Variants in STOX2 observed in about 807,000 individuals in gnomAD.
STOX2 encodes the protein storkhead-box protein 2.
In STOX2, 28 loss-of-function variants were observed where a neutral mutation model predicts 60.9. The observed-to-expected ratio is 0.46, with a 90% CI of 0.34 to 0.63. The LOEUF is 0.63. Ranked by LOEUF, STOX2 falls within the 30% of genes least tolerant of loss-of-function variation. STOX2 has a pLI of 0.01. For synonymous variants in STOX2, 472 were observed against 463.9 expected (o/e 1.02, Z -0.22); for missense variants, 1,024 against 1,187.7 (o/e 0.86, Z 2.03).
chr4:183,895,614 C>T (rs1021802462), intron 1 of STOX2, among the ~76,000 whole-genome samples: 1 of 152,226 alleles, frequency 6.6e-6, no homozygotes, highest in Non-Finnish European at 1.5e-5. Context: ...ACTGTTGTCT[C>T]CTGCCCTTAG....
At chr4:183,966,001 G>T (rs1173602328) in intron 1 of STOX2, among the ~76,000 whole-genome samples, 1 of 151,170 alleles carries the variant, frequency 6.6e-6, no homozygotes, top group African/African-American at 2.4e-5. Flanking sequence ...TTTTGGACAT[G>T]TTGAGTTTGA....
At chr4:183,858,793 T>G (rs1740362490) in intron 1 of STOX2, among the ~76,000 whole-genome samples, 1 of 152,236 alleles carries the variant, frequency 6.6e-6, no homozygotes, top group Admixed American at 6.5e-5. Context: ...TGTTTTGTAG[T>G]CGACTTCTTT....
At chr4:183,864,880 C>T (rs561724209) in intron 1 of STOX2, among the ~76,000 whole-genome samples, 10 of 152,138 alleles carry the variant, frequency 6.6e-5, no homozygotes, top group Non-Finnish European at 1.0e-4. Flanking sequence ...TTATAATCTT[C>T]CCAAAAAACT....
intron 1 of STOX2, among the ~76,000 whole-genome samples, chr4:183,958,285 A>T (rs977351221): frequency 6.6e-6 from 1 of 152,154 alleles, no homozygotes; most frequent in Non-Finnish European, 1.5e-5. Context: ...GCTAGGAGAA[A>T]TATACATATA....
intron 1 of STOX2, among the ~76,000 whole-genome samples, chr4:183,927,699 G>A (rs996704368): frequency 3.9e-5 from 6 of 152,154 alleles, no homozygotes; most frequent in Non-Finnish European, 8.8e-5. Context: ...GCCAACTGAT[G>A]TTTTTGATAG....
In STOX2 at chr4:183,857,440, G is replaced by T. The variant is rs184268466; in HGVS notation, c.364+59385G>T. On this transcript the variant is annotated intron_variant, in intron 1 of 2. Coordinates refer to the STOX2 transcript ENST00000513034. ...TCCCACAGGACTGGTCATCCTGCAG[G>T]ACTGGTTATCCCATTGAAGGCAGTG... Among the ~76,000 whole-genome samples, 55 of 151,732 alleles carry T rather than the reference G, an allele frequency of 3.6e-4. 1 individual carries two copies. The South Asian group carries it at 0.011, about 30-fold the overall frequency.
intron 1 of STOX2, among the ~76,000 whole-genome samples, chr4:183,976,085 G>A (rs111869904): frequency 0.026 from 3,973 of 152,314 alleles, 200 homozygotes; most frequent in African/African-American, 0.091. Flanking sequence ...GGCCAAGGCA[G>A]GCAGATCATG....
chr4:183,885,544 G>A (rs763277938), intron 1 of STOX2, among the ~76,000 whole-genome samples: 2 of 152,122 alleles, frequency 1.3e-5, no homozygotes, highest in African/African-American at 2.4e-5. Flanking sequence ...GCAGGGTGCC[G>A]GCTGCCTCGC....
intron 1 of STOX2, among the ~76,000 whole-genome samples, chr4:183,861,405 A>C (rs17075098): frequency 0.011 from 1,658 of 152,304 alleles, 31 homozygotes; most frequent in African/African-American, 0.038. Flanking sequence ...TGTAATGTTC[A>C]TAGATACCCA....
intron 1 of STOX2, among the ~76,000 whole-genome samples, chr4:183,802,051 C>A (rs926662971): frequency 6.6e-6 from 1 of 152,174 alleles, no homozygotes; most frequent in East Asian, 1.9e-4. Context: ...GGCTGGAGGG[C>A]CTTCTAGCCT....
At chr4:184,014,256 T>TG (rs1204401890) in intron 3 of STOX2, 1 of 151,988 alleles carries the variant, frequency 6.6e-6, no homozygotes, top group Non-Finnish European at 1.5e-5. Context: ...TTAAAGGGTA[T>TG]GTAGAAGGAA....
In STOX2 at chr4:183,941,023, T is replaced by C. The variant is rs552950260; in HGVS notation, c.166+34067T>C. Among the ~76,000 whole-genome samples, 7 of 152,298 alleles carry C rather than the reference T, an allele frequency of 4.6e-5. No homozygotes were observed. The South Asian group carries it at 1.4e-3, about 32-fold the overall frequency. ...TCTGTGGTGTGGCCAACCGACCACT[T>C]TTTATGAAACAAGCTCAGATCTAGC... is the stretch of plus-strand genomic sequence containing the variant. On this transcript the variant is annotated intron_variant, in intron 1 of 3. Coordinates refer to ENST00000308497, the MANE Select transcript of STOX2 (RefSeq NM_020225.3).
chr4:183,818,147 G>A (rs1057133962), intron 1 of STOX2, among the ~76,000 whole-genome samples: 12 of 151,410 alleles, frequency 7.9e-5, no homozygotes, highest in Admixed American at 5.3e-4. Context: ...CTCGCAGAGG[G>A]GGACTTGGCA....
intron 1 of STOX2, among the ~76,000 whole-genome samples, chr4:183,925,287 C>G (rs941250076): frequency 6.6e-6 from 1 of 152,128 alleles, no homozygotes; most frequent in Admixed American, 6.5e-5. Context: ...GAAAAGGAAT[C>G]CAAATTGAAA....
chr4:183,866,175 T>G (rs11734048), intron 1 of STOX2, among the ~76,000 whole-genome samples: 84,797 of 151,852 alleles, frequency 0.56, 23,778 homozygotes, highest in Admixed American at 0.59. Flanking sequence ...AAGCTCTTGT[T>G]GTCCCCCTTC....
At chr4:183,870,206 A>G (rs1740657240) in intron 1 of STOX2, among the ~76,000 whole-genome samples, 1 of 152,250 alleles carries the variant, frequency 6.6e-6, no homozygotes, top group Non-Finnish European at 1.5e-5. Context: ...CCAGAGCCAT[A>G]GTATGATTAA....
intron 1 of STOX2, among the ~76,000 whole-genome samples, chr4:183,850,329 A>T (rs1005498668): frequency 9.2e-5 from 14 of 152,214 alleles, no homozygotes; most frequent in South Asian, 6.2e-4. Context: ...GAAAAAAAAA[A>T]TTTTGGAGAA....
chr4:183,955,919 A>G (rs1743235191), intron 1 of STOX2, among the ~76,000 whole-genome samples: 1 of 152,140 alleles, frequency 6.6e-6, no homozygotes, highest in Non-Finnish European at 1.5e-5. Flanking sequence ...TTTCCCTGGA[A>G]GAGTCTACCA....
At chr4:183,855,217 A>T (rs1190258264) in intron 1 of STOX2, among the ~76,000 whole-genome samples, 1 of 152,248 alleles carries the variant, frequency 6.6e-6, no homozygotes, top group Non-Finnish European at 1.5e-5. Context: ...AAAACTACTC[A>T]TCCAAGTGTT....
Sources: allele counts gnomAD v4.1 joint callset (sites outside exome capture counted in the v4.1 genomes callset), GRCh38; gene constraint gnomAD v4.1.1; transcripts MANE v1.5; gene names NCBI Gene and HGNC (gene_info 2026-07-23, HGNC 2026-07-21).